Variants in HTR7 observed in about 807,000 individuals in gnomAD.
The protein encoded by HTR7 is 5-hydroxytryptamine receptor 7.
A neutral mutation model predicts 34.0 loss-of-function variants in HTR7; 16 were observed. The observed-to-expected ratio is 0.47, with a 90% CI of 0.32 to 0.71. The LOEUF is 0.71. Among genes scored for constraint, HTR7 ranks in the 30% least tolerant of loss-of-function variants. The pLI is 0.04. For missense variants in HTR7, 504 were observed against 625.5 expected (o/e 0.81, Z 2.07); for synonymous variants, 265 against 260.2 (o/e 1.02, Z -0.18).
At chr10:90,745,412 C>A (rs1844618288) in intron 2 of HTR7, among the ~76,000 whole-genome samples, 1 of 152,148 alleles carries the variant, frequency 6.6e-6, no homozygotes, top group Admixed American at 6.5e-5. Context: ...CTAATTACCT[C>A]CTAAAGAATC....
intron 1 of HTR7, among the ~76,000 whole-genome samples, chr10:90,817,379 C>A (rs761611186): frequency 6.6e-6 from 1 of 152,182 alleles, no homozygotes; most frequent in Non-Finnish European, 1.5e-5. Context: ...AGGGACACAA[C>A]AAAGACAAGA....
intron 1 of HTR7, among the ~76,000 whole-genome samples, chr10:90,768,346 A>G (rs954870277): frequency 6.6e-6 from 1 of 152,120 alleles, no homozygotes; most frequent in Non-Finnish European, 1.5e-5. Flanking sequence ...TTTTAATGTT[A>G]TTTATTTCAT....
chr10:90,763,620 C>A (rs1423378884), intron 1 of HTR7, among the ~76,000 whole-genome samples: 2 of 152,118 alleles, frequency 1.3e-5, no homozygotes, highest in Admixed American at 1.3e-4. Context: ...TCCTCTTGCC[C>A]CCCATCCCCC....
At chr10:90,762,286 C>T (rs1844952047) in intron 1 of HTR7, among the ~76,000 whole-genome samples, 1 of 152,200 alleles carries the variant, frequency 6.6e-6, no homozygotes. Context: ...TCAGCATCCT[C>T]ACGAACACTC....
chr10:90,811,373 C>T (rs1845806934), intron 1 of HTR7, among the ~76,000 whole-genome samples: 2 of 150,634 alleles, frequency 1.3e-5, no homozygotes, highest in African/African-American at 4.8e-5. Flanking sequence ...CTTCCTCACA[C>T]CTGATGCCTA....
At chr10:90,852,611 G>A (rs1057420623) in intron 1 of HTR7, among the ~76,000 whole-genome samples, 2 of 152,104 alleles carry the variant, frequency 1.3e-5, no homozygotes, top group Non-Finnish European at 2.9e-5. Context: ...TCCATCTACG[G>A]TGAATGGATA....
chr10:90,845,694 G>T (rs762563857), intron 1 of HTR7, among the ~76,000 whole-genome samples: 6 of 152,230 alleles, frequency 3.9e-5, no homozygotes, highest in Non-Finnish European at 8.8e-5. Context: ...CTCTCACAAT[G>T]AAGTTTTAGA....
chr10:90,754,939 A>C (rs1340470104), intron 1 of HTR7, among the ~76,000 whole-genome samples: 1 of 152,210 alleles, frequency 6.6e-6, no homozygotes, highest in East Asian at 1.9e-4. Flanking sequence ...AATCCACTAG[A>C]ATCTCCGGCT....
chr10:90,794,131 T>C (rs1015058904), intron 1 of HTR7, among the ~76,000 whole-genome samples: 1 of 152,178 alleles, frequency 6.6e-6, no homozygotes, highest in African/African-American at 2.4e-5. Context: ...ATTAACCATA[T>C]TTAAACCATA....
At chr10:90,808,012 G>T (rs1261950198) in intron 1 of HTR7, among the ~76,000 whole-genome samples, 8 of 152,088 alleles carry the variant, frequency 5.3e-5, no homozygotes, top group Admixed American at 2.6e-4. Flanking sequence ...TAGAGACAAA[G>T]GAGACATGTT....
chr10:90,791,838 G>T (rs1845464588), intron 1 of HTR7, among the ~76,000 whole-genome samples: 1 of 151,990 alleles, frequency 6.6e-6, no homozygotes, highest in Non-Finnish European at 1.5e-5. Flanking sequence ...TTTGACAGGG[G>T]TTTTGGCTCC....
In HTR7 at chr10:90,783,229, G is replaced by T. The variant is rs189234979; in HGVS notation, c.540-33635C>A. ...GAACTTAGCCCCTAGCCCCATGAGT[G>T]CCTGCTATAATTACAGATTCTCAAG... is the stretch of plus-strand genomic sequence containing the variant. On this transcript the variant is annotated intron_variant, in intron 1 of 3. Transcript: ENST00000336152. 3.9e-3 allele frequency among the ~76,000 whole-genome samples: 591 copies of T among 152,202 alleles called. 1 individual carries two copies. Among genetic ancestry groups the T allele is most frequent in the South Asian group, 0.011 (55 of 4,824 alleles).
intron 1 of HTR7, among the ~76,000 whole-genome samples, chr10:90,791,535 T>C (rs1845459565): frequency 6.6e-6 from 1 of 152,050 alleles, no homozygotes; most frequent in African/African-American, 2.4e-5. Flanking sequence ...CCCAGGTGTA[T>C]GTAAGCATTT....
rs771792325 is a variant in HTR7, at chr10:90,749,491, A to G, written c.643T>C (p.Leu215=). The change falls in exon 2 of 4, where the codon TTA becomes CTA. Residue 215 remains leucine (L), a synonymous_variant. Transcript: ENST00000336152. This position sits in a 1 kb window ranked among gnomAD's most constrained non-coding sequence, Gnocchi z 4.2. ...SVWLLSASIT[L]PPLFGWAQNV... is the part of the protein sequence containing the mutation. ...TGAGCCCATCCAAAGAGTGGAGGTA[A>G]GGTGATGGAGGCGGAGAGAAGCCAG... is the stretch of plus-strand genomic sequence containing the variant. 4 of 1,614,058 alleles carry G rather than the reference A, an allele frequency of 2.5e-6. No homozygotes were observed. In the African/African-American group the frequency reaches 5.3e-5, roughly 22 times the overall value.
intron 1 of HTR7, among the ~76,000 whole-genome samples, chr10:90,818,286 A>G (rs1444651593): frequency 6.6e-6 from 1 of 152,220 alleles, no homozygotes; most frequent in African/African-American, 2.4e-5. Context: ...CAACTGGTGC[A>G]GTGGCTCAGG....
intron 1 of HTR7, among the ~76,000 whole-genome samples, chr10:90,778,728 A>T (rs963266752): frequency 1.5e-4 from 23 of 152,100 alleles, no homozygotes; most frequent in African/African-American, 5.1e-4. Flanking sequence ...TCTGTACTTA[A>T]TTTAGGTGGC....
intron 2 of HTR7, among the ~76,000 whole-genome samples, chr10:90,748,578 T>C (rs1844677265): frequency 6.6e-6 from 1 of 151,102 alleles, no homozygotes; most frequent in South Asian, 2.1e-4. Context: ...AGGGAAAATA[T>C]CACCTGCCTT....
At chr10:90,759,611 C>T (rs1349004162) in intron 1 of HTR7, among the ~76,000 whole-genome samples, 9 of 138,176 alleles carry the variant, frequency 6.5e-5, no homozygotes, top group Admixed American at 4.5e-4. Flanking sequence ...GCCGAGATTG[C>T]GCCACTGCAG....
At chr10:90,802,809 G>A (rs530841958) in intron 1 of HTR7, among the ~76,000 whole-genome samples, 38 of 152,222 alleles carry the variant, frequency 2.5e-4, no homozygotes, top group African/African-American at 9.2e-4. Context: ...CTTTTGGTTT[G>A]ATATTTGTAT....
Sources: gnomAD v4.1 joint callset for allele counts (sites outside exome capture counted in the v4.1 genomes callset) on GRCh38, gnomAD v4.1.1 for gene constraint, Gnocchi (gnomAD v3.1) non-coding constraint, MANE v1.5 for transcripts, NCBI Gene and HGNC (gene_info 2026-07-23, HGNC 2026-07-21) for gene names.